The following BAIAP2 variants were observed in gnomAD, a reference collection of about 807,000 sequenced individuals.
BAIAP2 encodes the protein BAR/IMD domain-containing adapter protein 2.
Under a neutral mutation model 63.0 loss-of-function variants are expected in BAIAP2, and 18 were observed. That is an observed-to-expected ratio of 0.29 (90% CI 0.20 to 0.42). The LOEUF (loss-of-function observed/expected upper bound fraction) is 0.42, where lower values mean the gene tolerates loss of function less well. BAIAP2 is among the 10% of genes least tolerant of loss of function. BAIAP2 has a pLI of 1.00. For synonymous variants in BAIAP2, 386 were observed against 307.6 expected (o/e 1.25, Z -2.67); for missense variants, 610 against 734.3 (o/e 0.83, Z 1.96).
intron 12 of BAIAP2, chr17:81,107,617 G>C: frequency 6.6e-6 from 1 of 152,504 alleles, no homozygotes; most frequent in Non-Finnish European, 1.5e-5. Context: ...CTCAGCCAGA[G>C]GTCCAGTTTG....
rs768360624 is a variant in BAIAP2 at position 81,035,205 on chromosome 17, G to GCCGCTTGCGTCCC, written c.-44_-32dup. ...TGCTGCCGTTACCGCCGCTGCTGCCGCCGCTTGCGTCCCCCGCTCCGGTCT... is the reference window on the plus strand; with the variant it reads ...TGCTGCCGTTACCGCCGCTGCTGCCGCCGCTTGCGTCCCCCGCTTGCGTCCCCCGCTCCGGTCT... On this transcript the variant is annotated 5_prime_UTR_variant, in exon 1 of 14. Transcript: ENST00000428708. The GCCGCTTGCGTCCC allele has an allele frequency of 1.5e-5, 22 of 1,428,964 alleles. No homozygotes were observed. The South Asian group carries it at 2.1e-4, about 14-fold the overall frequency. 88.5% of individuals were successfully genotyped at this position (1,428,964 alleles called of 1,614,324 possible).
intron 3 of BAIAP2, among the ~76,000 whole-genome samples, chr17:81,064,286 C>G (rs1261273165): frequency 6.6e-6 from 1 of 152,250 alleles, no homozygotes; most frequent in Non-Finnish European, 1.5e-5. Flanking sequence ...GTGCCCACAG[C>G]CGGGGAGGTG....
chr17:81,070,636 G>A (rs899562010), intron 3 of BAIAP2, among the ~76,000 whole-genome samples: 2 of 152,148 alleles, frequency 1.3e-5, no homozygotes, highest in Non-Finnish European at 2.9e-5. Flanking sequence ...TGGCCAGGTC[G>A]CTCAACCCGT....
At chr17:81,106,189 G>A (rs1232826411) in intron 11 of BAIAP2, 43 bp downstream of exon 11, 1 of 1,541,676 alleles carries the variant, frequency 6.5e-7, no homozygotes, top group Non-Finnish European at 8.8e-7. Context: ...CCCAGCTCGG[G>A]AGAGGGGCTG....
chr17:81,105,946 T>C, intron 10 of BAIAP2, 132 bp from the exon 11 acceptor site: 1 of 732,924 alleles, frequency 1.4e-6, no homozygotes, highest in African/African-American at 1.8e-5. Flanking sequence ...CCTGGAGCAC[T>C]GTCTCTGTTG....
chr17:81,092,237 G>T (rs1448158663), intron 6 of BAIAP2, among the ~76,000 whole-genome samples: 7 of 152,266 alleles, frequency 4.6e-5, no homozygotes, highest in African/African-American at 1.7e-4. Context: ...CTGCTGGGCA[G>T]CGAGGCTGGG....
At chr17:81,059,481 T>C (rs1187504545) in intron 3 of BAIAP2, among the ~76,000 whole-genome samples, 1 of 152,216 alleles carries the variant, frequency 6.6e-6, no homozygotes, top group African/African-American at 2.4e-5. Context: ...AGGGTCTTGC[T>C]CTGTCGCCCA....
rs935500919 is a variant in BAIAP2 at position 81,103,963 on chromosome 17, C to T, written c.921C>T (p.Gly307=). Residue 307 remains glycine (G), a synonymous_variant, in exon 9 of 14, where the codon GGC becomes GGT. Coordinates refer to ENST00000428708, the MANE Select transcript of BAIAP2 (RefSeq NM_001144888.2). ...TGAACGGCGTCACAGGCCCGGATGGCGAGGACTACAGCCCGTGGGCTGACC... is the reference window on the plus strand; with the variant it reads ...TGAACGGCGTCACAGGCCCGGATGGTGAGGACTACAGCCCGTGGGCTGACC... ...PIMNGVTGPD[G]EDYSPWADRK... is the part of the protein sequence containing the mutation. The T allele has an allele frequency of 3.1e-6, 5 of 1,612,942 alleles. No homozygotes were observed. Among genetic ancestry groups the T allele is most frequent in the Non-Finnish European group, 4.2e-6 (5 of 1,180,034 alleles).
intron 3 of BAIAP2, among the ~76,000 whole-genome samples, chr17:81,075,442 A>C (rs980609054): frequency 6.6e-6 from 1 of 152,182 alleles, no homozygotes; most frequent in Non-Finnish European, 1.5e-5. Flanking sequence ...CCGTCGCCTC[A>C]AGTGGGCCGC....
At chr17:81,109,975 G>C (rs1018498983) in intron 13 of BAIAP2, 29 of 985,318 alleles carry the variant, frequency 2.9e-5, no homozygotes, top group Middle Eastern at 1.0e-3. Flanking sequence ...GTTCCTGCCC[G>C]GTTCTTCCTA....
intron 13 of BAIAP2, among the ~76,000 whole-genome samples, chr17:81,112,684 A>G (rs1230656738): frequency 2.0e-5 from 3 of 152,186 alleles, no homozygotes; most frequent in Non-Finnish European, 2.9e-5. Context: ...GAGTCACCCA[A>G]CTGGTCGAAA....
chr17:81,105,008 C>A, intron 10 of BAIAP2: 1 of 336,574 alleles, frequency 3.0e-6, no homozygotes. Context: ...CAGGGATCTC[C>A]CCCAATGGCA....
At chr17:81,105,709 C>T (rs552401639) in intron 10 of BAIAP2, 7 of 225,790 alleles carry the variant, frequency 3.1e-5, no homozygotes, top group African/African-American at 7.0e-5. Context: ...AGGGGGTCTC[C>T]CAGGAGGCTG....
chr17:81,095,562 G>A (rs1036675713), intron 6 of BAIAP2, among the ~76,000 whole-genome samples: 1 of 152,164 alleles, frequency 6.6e-6, no homozygotes, highest in Non-Finnish European at 1.5e-5. Flanking sequence ...AGTGGCAGCC[G>A]CATGTCATGC....
intron 13 of BAIAP2, chr17:81,110,035 T>C: frequency 1.0e-6 from 1 of 985,486 alleles, no homozygotes; most frequent in Non-Finnish European, 1.2e-6. Context: ...ACAAACACAG[T>C]GGACTCAGTG....
At position 81,099,925 on chromosome 17, in the gene BAIAP2, C is replaced by T. The variant is rs748937193; in HGVS notation, c.490-3C>T. On this transcript the variant is annotated splice_polypyrimidine_tract_variant and splice_region_variant and intron_variant, in intron 6 of 13. Coordinates refer to ENST00000428708, the MANE Select transcript of BAIAP2 (RefSeq NM_001144888.2). ...CTGAGCCTTTCTCCCTTTCCCTCCA[C>T]AGTACATCGACGCCATCAGCAACAA... is the stretch of plus-strand genomic sequence containing the variant. 1.9e-6 allele frequency: 3 copies of T among 1,612,660 alleles called. No homozygotes were observed. In the South Asian group the frequency reaches 3.3e-5, roughly 18 times the overall value.
At chr17:81,038,269 G>T (rs2046570802) in intron 1 of BAIAP2, among the ~76,000 whole-genome samples, 1 of 152,246 alleles carries the variant, frequency 6.6e-6, no homozygotes, top group Non-Finnish European at 1.5e-5. Flanking sequence ...TGTGCTGAGG[G>T]GCTGGCTCCC....
At chr17:81,108,855 C>T (rs906699476) in intron 13 of BAIAP2, 2 of 1,450,932 alleles carry the variant, frequency 1.4e-6, no homozygotes, top group Non-Finnish European at 1.8e-6. Context: ...CCTGGAGGGT[C>T]AGGAGGCCAA....
chr17:81,069,080 G>A (rs1015133885), intron 3 of BAIAP2, among the ~76,000 whole-genome samples: 4 of 152,160 alleles, frequency 2.6e-5, no homozygotes, highest in African/African-American at 7.2e-5. Flanking sequence ...TGGGTCCTCC[G>A]GCTGTCCCCA....
Sources: gnomAD v4.1 joint callset for allele counts (sites outside exome capture counted in the v4.1 genomes callset) on GRCh38, gnomAD v4.1.1 for gene constraint, MANE v1.5 for transcripts, NCBI Gene and HGNC (gene_info 2026-07-23, HGNC 2026-07-21) for gene names.